Variants in PPP4R1 observed in about 807,000 individuals in gnomAD.
PPP4R1 encodes serine/threonine-protein phosphatase 4 regulatory subunit 1.
PPP4R1 carries 42 observed loss-of-function variants against 111.2 expected under a neutral mutation model. That is an observed-to-expected ratio of 0.38 (90% confidence interval 0.29 to 0.49). The LOEUF (loss-of-function observed/expected upper bound fraction) is 0.49. PPP4R1 is among the 20% of genes least tolerant of loss of function. The pLI is 0.97. For missense variants in PPP4R1, 1,012 were observed against 1,161.6 expected (o/e 0.87, Z 1.87); for synonymous variants, 409 against 405.5 (o/e 1.01, Z -0.10).
At chr18:9,609,249 C>T (rs939466250) in intron 2 of PPP4R1, among the ~76,000 whole-genome samples, 2 of 152,190 alleles carry the variant, frequency 1.3e-5, no homozygotes, top group Non-Finnish European at 2.9e-5. Flanking sequence ...CCAGGTCTCA[C>T]GACTCACCCT....
At chr18:9,611,901 C>T (rs1207642221) in intron 2 of PPP4R1, among the ~76,000 whole-genome samples, 1 of 152,016 alleles carries the variant, frequency 6.6e-6, no homozygotes, top group African/African-American at 2.4e-5. Context: ...ATCCCAGTTA[C>T]TTGGGAGGCT....
At chr18:9,572,998 C>T (rs2145128504) in intron 10 of PPP4R1, among the ~76,000 whole-genome samples, 1 of 152,276 alleles carries the variant, frequency 6.6e-6, no homozygotes, top group East Asian at 1.9e-4. Context: ...TTCTAGGATT[C>T]CTCACTTATT....
chr18:9,570,310 G>C lies in PPP4R1; in HGVS notation c.1420C>G (p.Gln474Glu). ...PEIDLDIELEQNSGGKPSPEG... is the reference protein window; with the variant it reads ...PEIDLDIELEENSGGKPSPEG... ...GGGCTGGGTTTTCCCCCAGAGTTCT[G>C]TTCAAGCTCTATGTCTAGATCTATT... Residue 474 changes from glutamine to glutamate, a missense_variant, in exon 11 of 20, where the codon CAG becomes GAG. Coordinates refer to ENST00000400556, the MANE Select transcript of PPP4R1 (RefSeq NM_001042388.3). The C allele has an allele frequency of 6.2e-7, 1 of 1,612,528 alleles. No homozygotes were observed. The highest frequency in any genetic ancestry group is 1.3e-5 in the African/African-American group (1 of 74,906).
At position 9,550,372 on chromosome 18, in the gene PPP4R1, TATAA is replaced by T; in HGVS notation, c.2314_2317del (p.Leu772IlefsTer15). ...ATAGTCATAAACATCTCTGGGACTATATAACTCTAGAAGTAAAATCAGCTGTCTA... is the reference window on the plus strand; with the variant it reads ...ATAGTCATAAACATCTCTGGGACTATCTCTAGAAGTAAAATCAGCTGTCTA... On this transcript the variant is annotated frameshift_variant, in exon 17 of 20. Transcript: ENST00000400556. LOFTEE classifies it high-confidence loss of function. The T allele has an allele frequency of 1.9e-6, 3 of 1,603,520 alleles. No homozygotes were observed. The highest frequency in any genetic ancestry group is 2.6e-6 in the Non-Finnish European group (3 of 1,171,458).
intron 10 of PPP4R1, among the ~76,000 whole-genome samples, chr18:9,572,410 A>G (rs1173325409): frequency 1.3e-5 from 2 of 152,244 alleles, no homozygotes; most frequent in African/African-American, 4.8e-5. Flanking sequence ...TGATGAAATA[A>G]CTGATAAAGC....
Position 9,614,344 on chromosome 18 carries a change from TC to T in PPP4R1, c.8-75del, listed in dbSNP as rs1259821265. The T allele has an allele frequency of 4.2e-3, 2,659 of 636,306 alleles. 59 individuals are homozygous for T. In the African/African-American group the frequency reaches 0.11, roughly 26 times the overall value. The allele number at this position is 636,306 out of a possible 1,614,324, so 39.4% of individuals were successfully genotyped here. On this transcript the variant is annotated intron_variant, in intron 1 of 19. Transcript: ENST00000400556. The surrounding 1 kb of genome is among the most constrained non-coding windows in gnomAD (Gnocchi z 4.1). ...GCGCGACGCCCCCCCCCCGCCCGCC[TC>T]CCCCCCGCCCCGGGGGCGCCTTCCC...
chr18:9,590,509 A>G lies in PPP4R1; in HGVS notation c.296-1656T>C, dbSNP rs56838001. On this transcript the variant is annotated intron_variant, in intron 4 of 19. Transcript: ENST00000400556. ...AAAGGAGGACACAAGTTATGGTTTC[A>G]GTTAAAAATGAAATCAGCAACTTTT... 8.3e-3 allele frequency among the ~76,000 whole-genome samples: 1,257 copies of G among 152,338 alleles called. 19 individuals carry two copies. Among genetic ancestry groups the G allele is most frequent in the African/African-American group, 0.029 (1,186 of 41,586 alleles).
At chr18:9,572,306 T>C (rs1261741102) in intron 10 of PPP4R1, among the ~76,000 whole-genome samples, 1 of 151,880 alleles carries the variant, frequency 6.6e-6, no homozygotes, top group Admixed American at 6.6e-5. Flanking sequence ...TAACAAAGAG[T>C]GAAGGCATTT....
chr18:9,563,250 C>A, intron 12 of PPP4R1, 128 bp downstream of exon 12: 1 of 1,282,808 alleles, frequency 7.8e-7, no homozygotes, highest in Non-Finnish European at 1.0e-6. Context: ...TTATGCAAAA[C>A]GAAGAGCTAA....
intron 2 of PPP4R1, among the ~76,000 whole-genome samples, chr18:9,606,712 T>G (rs937368581): frequency 1.3e-5 from 2 of 151,930 alleles, no homozygotes; most frequent in African/African-American, 4.8e-5. Flanking sequence ...ATATGTATAA[T>G]GTATTTCTAT....
intron 9 of PPP4R1, among the ~76,000 whole-genome samples, chr18:9,581,400 G>GA (rs571741644): frequency 1.3e-3 from 204 of 152,208 alleles, no homozygotes; most frequent in African/African-American, 4.7e-3. Context: ...GAACCAGATG[G>GA]AATTCTACAG....
intron 11 of PPP4R1, among the ~76,000 whole-genome samples, chr18:9,566,996 C>G (rs141211374): frequency 4.6e-5 from 7 of 152,298 alleles, no homozygotes; most frequent in African/African-American, 1.4e-4. Context: ...GCCCAAGGAT[C>G]AAGGGGTAAT....
chr18:9,595,262 C>T, intron 2 of PPP4R1, 109 bp from the exon 3 acceptor site: 3 of 1,127,764 alleles, frequency 2.7e-6, no homozygotes. Context: ...AAAAAAAAAT[C>T]ACAAGAGACT....
intron 16 of PPP4R1, among the ~76,000 whole-genome samples, chr18:9,552,267 C>T (rs1412040803): frequency 1.3e-5 from 2 of 152,136 alleles, no homozygotes; most frequent in Non-Finnish European, 2.9e-5. Context: ...ACAAAATATA[C>T]ACAAATGGTT....
chr18:9,611,995 A>G (rs1213863366), intron 2 of PPP4R1, among the ~76,000 whole-genome samples: 1 of 149,980 alleles, frequency 6.7e-6, no homozygotes, highest in Non-Finnish European at 1.5e-5. Flanking sequence ...CCTGGGCAAC[A>G]AGAGTGAAAC....
rs2066812042 is a variant in PPP4R1 at position 9,568,796 on chromosome 18, G to A, written c.1573+1361C>T. On this transcript the variant is annotated intron_variant, in intron 11 of 19. Transcript: ENST00000400556. ...CACACCTGTAATCCCAGCATGGTGG[G>A]AGGCCAAGGCAGGCGGATCACCTGA... Among the ~76,000 whole-genome samples the A allele has an allele frequency of 3.9e-5, 6 of 152,182 alleles. No homozygotes were observed. The South Asian group carries it at 1.2e-3, about 31-fold the overall frequency.
intron 2 of PPP4R1, among the ~76,000 whole-genome samples, chr18:9,613,155 T>C (rs7228280): frequency 0.14 from 21,905 of 152,228 alleles, 1,975 homozygotes; most frequent in African/African-American, 0.25. Flanking sequence ...AATCCTACTA[T>C]GGTTATCATC....
chr18:9,597,004 G>C (rs1201947977), intron 2 of PPP4R1, among the ~76,000 whole-genome samples: 1 of 152,192 alleles, frequency 6.6e-6, no homozygotes, highest in East Asian at 1.9e-4. Context: ...CATGCTGATA[G>C]TGTCTGTAGT....
At chr18:9,604,301 T>C (rs929551252) in intron 2 of PPP4R1, among the ~76,000 whole-genome samples, 2 of 152,182 alleles carry the variant, frequency 1.3e-5, no homozygotes, top group Admixed American at 6.5e-5. Flanking sequence ...ATCCAGTTTA[T>C]ATATCAGCAC....
Sources: gnomAD v4.1 joint callset for allele counts (sites outside exome capture counted in the v4.1 genomes callset) on GRCh38, gnomAD v4.1.1 for gene constraint, Gnocchi (gnomAD v3.1) non-coding constraint, MANE v1.5 for transcripts, NCBI Gene and HGNC (gene_info 2026-07-23, HGNC 2026-07-21) for gene names.